Variants in DMD observed in about 807,000 individuals in gnomAD.
DMD encodes dystrophin.
In DMD, 63 loss-of-function variants were observed where a neutral mutation model predicts 330.1. That is an observed-to-expected ratio of 0.19 (90% CI 0.16 to 0.24). DMD has a LOEUF of 0.24. Among genes scored for constraint, DMD ranks in the 10% least tolerant of loss-of-function variants. The pLI is 1.00. For missense variants in DMD, 3,344 were observed against 2,684.1 expected (o/e 1.25, Z -5.43); for synonymous variants, 1,223 against 959.8 (o/e 1.27, Z -5.07).
At chrX:31,341,048 T>C (rs1193969058) in intron 61 of DMD, among the ~76,000 whole-genome samples, 2 of 112,222 alleles carry the variant, frequency 1.8e-5, no homozygotes, top group Admixed American at 1.9e-4. Flanking sequence ...CTACTTATAC[T>C]GACCATTAAA....
intron 7 of DMD, among the ~76,000 whole-genome samples, chrX:32,708,086 T>C (rs1409850496): frequency 8.9e-6 from 1 of 111,892 alleles, no homozygotes; most frequent in Non-Finnish European, 1.9e-5. Flanking sequence ...CCTTAATTGT[T>C]TACAGTGTTA....
At chrX:32,865,433 A>C (rs2082405524) in intron 2 of DMD, among the ~76,000 whole-genome samples, 1 of 111,475 alleles carries the variant, frequency 9.0e-6, no homozygotes, top group Non-Finnish European at 1.9e-5. Flanking sequence ...GGTTATCAAC[A>C]GGTAGAAGTG....
intron 60 of DMD, among the ~76,000 whole-genome samples, chrX:31,426,478 T>G (rs1359992224): frequency 8.9e-6 from 1 of 112,492 alleles, no homozygotes; most frequent in Non-Finnish European, 1.9e-5. Context: ...TTATGAAGTC[T>G]TAGCTTGGAG....
At chrX:33,005,699 G>A (rs904825169) in intron 2 of DMD, among the ~76,000 whole-genome samples, 2 of 110,345 alleles carry the variant, frequency 1.8e-5, no homozygotes, top group African/African-American at 6.6e-5. Flanking sequence ...GGAAGATCAG[G>A]AACAAGACAA....
At chrX:33,117,064 T>TTATA (rs371340026) in intron 1 of DMD, among the ~76,000 whole-genome samples, 47 of 105,689 alleles carry the variant, frequency 4.4e-4, no homozygotes, top group African/African-American at 1.3e-3. Context: ...CCAGGCCACA[T>TTATA]TATATATATA....
At chrX:31,394,306 T>C (rs2060814458) in intron 60 of DMD, among the ~76,000 whole-genome samples, 1 of 112,558 alleles carries the variant, frequency 8.9e-6, no homozygotes, top group South Asian at 3.6e-4. Context: ...TCTGTTCTCT[T>C]TGGAGAAACA....
At position 32,468,627 on chromosome X, in the gene DMD, G is replaced by A; in HGVS notation, c.3033C>T (p.Pro1011=). 1 of 1,211,052 alleles carries A rather than the reference G, an allele frequency of 8.3e-7. No homozygotes were observed. The highest frequency in any genetic ancestry group is 1.1e-6 in the Non-Finnish European group (1 of 895,165). Residue 1011 remains proline, a synonymous_variant, in exon 23 of 79, where the codon CCC becomes CCT. Coordinates refer to ENST00000357033, the MANE Select transcript of DMD (RefSeq NM_004006.3). ...TTVKEMSKKA[P]SEISRKYQSE... ...ATTGATATTTCCGGCTAATTTCAGAGGGCGCTTTCTTCGACATCTCTTTCA... is the reference window on the plus strand; with the variant it reads ...ATTGATATTTCCGGCTAATTTCAGAAGGCGCTTTCTTCGACATCTCTTTCA...
chrX:32,695,220 T>C (rs752337523), intron 9 of DMD, among the ~76,000 whole-genome samples: 2 of 111,902 alleles, frequency 1.8e-5, no homozygotes, highest in Admixed American at 1.9e-4. Context: ...AGCATGGGCA[T>C]GGAGTTGAAT....
At chrX:32,292,261 G>A (rs1425446071) in intron 42 of DMD, among the ~76,000 whole-genome samples, 2 of 101,245 alleles carry the variant, frequency 2.0e-5, no homozygotes, top group African/African-American at 7.4e-5. Context: ...TTCCTGACTA[G>A]ATAAATATAA....
intron 46 of DMD, 90 bp downstream of exon 46, chrX:31,931,990 T>C: frequency 9.6e-7 from 1 of 1,042,503 alleles, no homozygotes. Context: ...AATAACCTAA[T>C]GGGCAGAAAA....
intron 1 of DMD, among the ~76,000 whole-genome samples, chrX:33,175,627 A>C (rs1273341683): frequency 8.9e-6 from 1 of 112,084 alleles, no homozygotes; most frequent in Non-Finnish European, 1.9e-5. Flanking sequence ...ATGAAGTGAA[A>C]AGAACATTGA....
chrX:32,343,784 AG>A (rs1372967570), intron 39 of DMD, among the ~76,000 whole-genome samples: 1 of 112,078 alleles, frequency 8.9e-6, no homozygotes, highest in African/African-American at 3.2e-5. Flanking sequence ...AGAGTTTCAT[AG>A]GCCATTAATA....
intron 2 of DMD, among the ~76,000 whole-genome samples, chrX:32,866,710 C>CAT (rs2082507780): frequency 1.5e-5 from 1 of 68,516 alleles, no homozygotes; most frequent in Non-Finnish European, 2.4e-5. Flanking sequence ...TATATACATA[C>CAT]ACACACTTTT....
At chrX:33,044,706 T>C (rs887691113) in intron 1 of DMD, among the ~76,000 whole-genome samples, 1 of 111,720 alleles carries the variant, frequency 9.0e-6, no homozygotes, top group Non-Finnish European at 1.9e-5. Flanking sequence ...ATGCTCAGCG[T>C]AGATTCTAGG....
chrX:31,172,304 T>C (rs748333203), intron 73 of DMD, 44 bp downstream of exon 73: 1 of 980,978 alleles, frequency 1.0e-6, no homozygotes, highest in South Asian at 1.9e-5. Flanking sequence ...CTCAAAGCAA[T>C]TTCATTGTCA....
At chrX:31,366,519 T>TA (rs1387742163) in intron 60 of DMD, among the ~76,000 whole-genome samples, 2 of 29,834 alleles carry the variant, frequency 6.7e-5, no homozygotes, top group African/African-American at 2.7e-4. Context: ...AATAAATAAA[T>TA]AAAAAAGATA....
chrX:31,766,895 G>C (rs914394178), intron 51 of DMD, among the ~76,000 whole-genome samples: 5 of 110,375 alleles, frequency 4.5e-5, no homozygotes, highest in Admixed American at 1.9e-4. Flanking sequence ...GTGTGTGTGT[G>C]TGTGTGTTTG....
intron 7 of DMD, among the ~76,000 whole-genome samples, chrX:32,734,195 T>C (rs1446641767): frequency 9.3e-6 from 1 of 107,989 alleles, no homozygotes; most frequent in Non-Finnish European, 1.9e-5. Flanking sequence ...ACACATACAC[T>C]CTCCCAAGAC....
At chrX:33,052,480 G>A (rs2094468564) in intron 1 of DMD, among the ~76,000 whole-genome samples, 1 of 111,396 alleles carries the variant, frequency 9.0e-6, no homozygotes, top group African/African-American at 3.3e-5. Flanking sequence ...CTGATAATAT[G>A]GAAACATTTA....
Sources: gnomAD v4.1 joint callset for allele counts (sites outside exome capture counted in the v4.1 genomes callset) on GRCh38, gnomAD v4.1.1 for gene constraint, MANE v1.5 for transcripts, NCBI Gene and HGNC (gene_info 2026-07-23, HGNC 2026-07-21) for gene names.